UBA6: variants seen among roughly 807,000 people sequenced by gnomAD.
The protein encoded by UBA6 is ubiquitin-like modifier-activating enzyme 6.
In UBA6, 87 loss-of-function variants were observed where a neutral mutation model predicts 148.3. The observed-to-expected ratio is 0.59, with a 90% CI of 0.49 to 0.70. The LOEUF (loss-of-function observed/expected upper bound fraction) is 0.70. Among genes scored for constraint, UBA6 ranks in the 30% least tolerant of loss-of-function variants. The probability of loss-of-function intolerance (pLI) is 0.00; values close to 1 mark genes in which losing one functional copy is unlikely to be tolerated. For missense variants in UBA6, 1,186 were observed against 1,241.2 expected, an observed-to-expected ratio of 0.96 and a Z score of 0.67; for synonymous variants, 376 against 401.0, an observed-to-expected ratio of 0.94 and a Z score of 0.75.
chr4:67,683,822 C>T lies in UBA6; in HGVS notation c.135-1609G>A, dbSNP rs4860858. 2.3e-3 allele frequency among the ~76,000 whole-genome samples: 353 copies of T among 152,222 alleles called. 6 individuals carry two copies. Among genetic ancestry groups the T allele is most frequent in the Admixed American group, 0.019 (296 of 15,290 alleles). On this transcript the variant is annotated intron_variant, in intron 2 of 32. Coordinates refer to ENST00000322244, the MANE Select transcript of UBA6 (RefSeq NM_018227.6). ...TTGTGGTGGCTCACGCCTATAATCC[C>T]AGCACTTTGGGAGGCCTACATGGGT...
intron 2 of UBA6, among the ~76,000 whole-genome samples, chr4:67,683,623 T>C (rs1730492887): frequency 6.6e-6 from 1 of 152,080 alleles, no homozygotes; most frequent in Admixed American, 6.6e-5. Context: ...GTGGATTCTA[T>C]GTGTGGTCCA....
intron 2 of UBA6, among the ~76,000 whole-genome samples, chr4:67,683,460 T>C (rs1324492440): frequency 1.3e-5 from 2 of 152,186 alleles, no homozygotes; most frequent in African/African-American, 2.4e-5. Flanking sequence ...GTTTCTCTGA[T>C]ACAAGCTTGT....
chr4:67,650,976 C>T (rs1446997149), intron 13 of UBA6, among the ~76,000 whole-genome samples: 1 of 152,104 alleles, frequency 6.6e-6, no homozygotes, highest in African/African-American at 2.4e-5. Context: ...AAAGGTCATC[C>T]ATTAGAAGCT....
Position 67,612,863 on chromosome 4 carries a change from C to G in UBA6, c.*6134G>C, listed in dbSNP as rs1190707927. The G allele has an allele frequency of 6.6e-6, 1 of 152,134 alleles. No homozygotes were observed. The highest frequency in any genetic ancestry group is 2.4e-5 in the African/African-American group (1 of 41,430). The allele number at this position is 152,134 out of a possible 1,614,324, so 9.4% of individuals were successfully genotyped here. A position where few individuals can be genotyped will look rare whatever the true frequency, so the allele number is the denominator to read the frequency against. ...AGCTGATAAGTTGGTGAATAATTAC[C>G]ATGCCAATAATATCTGAGAAAAGAT... On this transcript the variant is annotated 3_prime_UTR_variant, in exon 33 of 33. Transcript: ENST00000322244.
chr4:67,662,096 A>G (rs1161287310), intron 13 of UBA6, 93 bp downstream of exon 13: 11 of 1,258,806 alleles, frequency 8.7e-6, no homozygotes, highest in African/African-American at 1.5e-5. Flanking sequence ...CAGAGTAGCA[A>G]AGCTGGATGT....
At chr4:67,651,322 ATACTTAAACAACATT>A (rs1286387457) in intron 13 of UBA6, among the ~76,000 whole-genome samples, 1 of 152,192 alleles carries the variant, frequency 6.6e-6, no homozygotes, top group East Asian at 1.9e-4. Flanking sequence ...AAGAAAAGAA[ATACTTAAACAACATT>A]TGACTCTGCA....
Position 67,694,283 on chromosome 4 carries a change from C to CAA in UBA6, c.134+2361_134+2362insTT, listed in dbSNP as rs771497060. Among the ~76,000 whole-genome samples the CAA allele has an allele frequency of 8.1e-4, 102 of 126,630 alleles. 3 individuals carry two copies. The highest frequency in any genetic ancestry group is 1.6e-3 in the African/African-American group (53 of 34,082). The allele number at this position is 126,630 out of a possible 152,430, so 83.1% of individuals were successfully genotyped here. ...ACTACCAAATCTTCAGATTCAGTCACTATAAAAAAAAAAACCCTCAAACAT... is the reference window on the plus strand; with the variant it reads ...ACTACCAAATCTTCAGATTCAGTCACAATATAAAAAAAAAAACCCTCAAACAT... On this transcript the variant is annotated intron_variant, in intron 2 of 32. Coordinates refer to ENST00000322244, the MANE Select transcript of UBA6 (RefSeq NM_018227.6).
intron 9 of UBA6, 135 bp from the exon 10 acceptor site, chr4:67,665,427 G>GTTTTT: frequency 2.5e-6 from 1 of 402,962 alleles, no homozygotes; most frequent in Non-Finnish European, 4.1e-6. Flanking sequence ...TTTTTTGTTT[G>GTTTTT]TTTGTTTTTT....
chr4:67,663,623 CTT>C, intron 11 of UBA6: 1 of 471,916 alleles, frequency 2.1e-6, no homozygotes, highest in Non-Finnish European at 3.7e-6. Context: ...TTGAAATCGT[CTT>C]ATAATTATCA....
At chr4:67,630,628 G>C in intron 25 of UBA6, 93 bp from the exon 26 acceptor site, 1 of 756,936 alleles carries the variant, frequency 1.3e-6, no homozygotes, top group Non-Finnish European at 2.0e-6. Flanking sequence ...AATGTAGTTT[G>C]AAGAAATATA....
chr4:67,628,960 A>C (rs1468467286), intron 27 of UBA6, 111 bp downstream of exon 27: 1 of 754,828 alleles, frequency 1.3e-6, no homozygotes, highest in Non-Finnish European at 2.3e-6. Flanking sequence ...TTGCACTGAC[A>C]AGAGCAAGAG....
Position 67,701,143 on chromosome 4 carries a change from G to A in UBA6, c.-24C>T, listed in dbSNP as rs1339443286. 4.3e-6 allele frequency: 7 copies of A among 1,610,032 alleles called. No homozygotes were observed. The highest frequency in any genetic ancestry group is 1.1e-5 in the South Asian group (1 of 90,996). The stretch of plus-strand genomic sequence containing the variant: ...ATTGCCGCCTGAGACACCGCCGCCG[G>A]CTACTGGAAGGTAGGAAGGGGCGGG... On this transcript the variant is annotated 5_prime_UTR_variant, in exon 1 of 33. Transcript: ENST00000322244.
chr4:67,639,267 ATT>A (rs1729245941), intron 18 of UBA6, 143 bp from the exon 19 acceptor site: 1 of 581,708 alleles, frequency 1.7e-6, no homozygotes, highest in Middle Eastern at 4.6e-4. Context: ...ACCAGTTTTC[ATT>A]TTTGGCTTGT....
chr4:67,676,265 C>T (rs992881049), intron 6 of UBA6, among the ~76,000 whole-genome samples: 1 of 152,114 alleles, frequency 6.6e-6, no homozygotes, highest in African/African-American at 2.4e-5. Context: ...CTTAGGTGAT[C>T]CGCCCACCTC....
At position 67,625,400 on chromosome 4, in the gene UBA6, A is replaced by G. The variant is rs147933157; in HGVS notation, c.2519-213T>C. 1.6e-3 allele frequency among the ~76,000 whole-genome samples: 237 copies of G among 151,860 alleles called. 3 individuals carry two copies. In the East Asian group the frequency reaches 0.04, roughly 26 times the overall value. On this transcript the variant is annotated intron_variant, in intron 28 of 32. Transcript: ENST00000322244. The stretch of plus-strand genomic sequence containing the variant: ...AGAGAGCCAATTTTTTTTAATTAAA[A>G]AAAAAAAAACGATGGTTTTAATGCC...
At chr4:67,668,488 T>TA in intron 9 of UBA6, 63 bp downstream of exon 9, 1 of 1,475,450 alleles carries the variant, frequency 6.8e-7, no homozygotes, top group Non-Finnish European at 9.4e-7. Context: ...TCCCAACACT[T>TA]AGTGTCTGAA....
At chr4:67,647,272 T>C (rs1299632840) in intron 14 of UBA6, among the ~76,000 whole-genome samples, 1 of 152,114 alleles carries the variant, frequency 6.6e-6, no homozygotes, top group Non-Finnish European at 1.5e-5. Context: ...GCCTCCTGAG[T>C]AGCCAGGACT....
intron 11 of UBA6, 28 bp downstream of exon 11, chr4:67,663,857 C>T: frequency 6.2e-7 from 1 of 1,600,058 alleles, no homozygotes; most frequent in Non-Finnish European, 8.6e-7. Flanking sequence ...TCTGCTGCCT[C>T]TCTCAAACCT....
chr4:67,624,770 AATCT>A (rs1172695015), intron 29 of UBA6, among the ~76,000 whole-genome samples: 2 of 152,088 alleles, frequency 1.3e-5, no homozygotes, highest in Non-Finnish European at 2.9e-5. Flanking sequence ...GAAAAATCAT[AATCT>A]ATCTTGAGCT....
Sources: gnomAD v4.1 joint callset for allele counts (sites outside exome capture counted in the v4.1 genomes callset) on GRCh38, gnomAD v4.1.1 for gene constraint, MANE v1.5 for transcripts, NCBI Gene and HGNC (gene_info 2026-07-23, HGNC 2026-07-21) for gene names.